RBFOX1: variants seen among roughly 807,000 people sequenced by gnomAD.
RBFOX1 encodes RNA binding protein fox-1 homolog 1.
Under a neutral mutation model 57.7 loss-of-function variants are expected in RBFOX1, and 8 were observed. The observed-to-expected ratio is 0.14, with a 90% CI of 0.08 to 0.25. The LOEUF is 0.25. Ranked by LOEUF, RBFOX1 falls within the 10% of genes least tolerant of loss-of-function variation. The pLI is 1.00. For missense variants in RBFOX1, 611 were observed against 548.5 expected (o/e 1.11, Z -1.14); for synonymous variants, 326 against 222.4 (o/e 1.47, Z -4.15).
In RBFOX1 at chr16:6,801,221, A is replaced by C. The variant is rs368978079; in HGVS notation, c.-16+146571A>C. Among the ~76,000 whole-genome samples, 691 of 151,188 alleles carry C rather than the reference A, an allele frequency of 4.6e-3. 4 individuals carry two copies. The highest frequency in any genetic ancestry group is 0.034 in the Middle Eastern group (10 of 292). ...ATGCAAAAAAAAAAAAAAAAAAGTA[A>C]CGTTACATATCATGTATTTTGCCAT... On this transcript the variant is annotated intron_variant, in intron 3 of 15. Coordinates refer to ENST00000550418, the MANE Select transcript of RBFOX1 (RefSeq NM_018723.4).
chr16:7,397,310 T>G (rs1035861279), intron 4 of RBFOX1, among the ~76,000 whole-genome samples: 1 of 152,166 alleles, frequency 6.6e-6, no homozygotes, highest in Non-Finnish European at 1.5e-5. Flanking sequence ...CACAAGATAT[T>G]TAACATGCTA....
chr16:5,349,414 C>A (rs1351770515), intron 1 of RBFOX1, among the ~76,000 whole-genome samples: 2 of 152,180 alleles, frequency 1.3e-5, no homozygotes, highest in South Asian at 2.1e-4. Context: ...TGGCTCAAGC[C>A]TGTAATCCCA....
At chr16:5,720,573 C>T (rs2051892746) in intron 3 of RBFOX1, among the ~76,000 whole-genome samples, 1 of 152,084 alleles carries the variant, frequency 6.6e-6, no homozygotes, top group Non-Finnish European at 1.5e-5. Flanking sequence ...TTTAGCTCTT[C>T]CGTTTAGGTC....
chr16:6,787,419 A>T (rs12935157), intron 3 of RBFOX1, among the ~76,000 whole-genome samples: 99,214 of 152,018 alleles, frequency 0.65, 32,626 homozygotes, highest in African/African-American at 0.7. Flanking sequence ...ATGCCGTGTG[A>T]TTTCCAAAAT....
chr16:6,723,726 GT>G (rs2066510867), intron 3 of RBFOX1: 1 of 150,480 alleles, frequency 6.6e-6, no homozygotes, highest in Non-Finnish European at 1.5e-5. Context: ...CATCTGTCTC[GT>G]GAAGATTTTT....
At chr16:5,750,155 T>TCAG (rs1394833520) in intron 3 of RBFOX1, among the ~76,000 whole-genome samples, 1 of 152,206 alleles carries the variant, frequency 6.6e-6, no homozygotes, top group African/African-American at 2.4e-5. Context: ...TGCCTGGGTA[T>TCAG]CAGCAGCAGA....
At chr16:6,860,876 AATAG>A (rs1567601781) in intron 3 of RBFOX1, among the ~76,000 whole-genome samples, 1 of 152,198 alleles carries the variant, frequency 6.6e-6, no homozygotes, top group African/African-American at 2.4e-5. Flanking sequence ...TGTATTCAAA[AATAG>A]ATATTCCAAA....
chr16:6,797,388 A>C (rs1451664311), intron 3 of RBFOX1, among the ~76,000 whole-genome samples: 1 of 152,134 alleles, frequency 6.6e-6, no homozygotes, highest in Non-Finnish European at 1.5e-5. Flanking sequence ...AGGTGGTCGA[A>C]AGAGAGAGCG....
chr16:6,304,275 G>A (rs1477280835), intron 1 of RBFOX1, among the ~76,000 whole-genome samples: 1 of 151,888 alleles, frequency 6.6e-6, no homozygotes, highest in Non-Finnish European at 1.5e-5. Context: ...GAAATACAGT[G>A]AGAGTCCATC....
At chr16:5,332,409 A>G (rs557831817) in intron 1 of RBFOX1, among the ~76,000 whole-genome samples, 1 of 151,872 alleles carries the variant, frequency 6.6e-6, no homozygotes, top group Non-Finnish European at 1.5e-5. Flanking sequence ...TTACAGGTAC[A>G]TGCCACCATG....
chr16:6,003,856 A>G (rs2060646655), intron 4 of RBFOX1, among the ~76,000 whole-genome samples: 1 of 152,236 alleles, frequency 6.6e-6, no homozygotes, highest in Non-Finnish European at 1.5e-5. Context: ...AAAGGCCTTC[A>G]AGAGAGCAGG....
In RBFOX1 at chr16:7,349,974, T is replaced by G. The variant is rs73565825; in HGVS notation, c.28-168173T>G. On this transcript the variant is annotated intron_variant, in intron 4 of 15. Coordinates refer to ENST00000550418, the MANE Select transcript of RBFOX1 (RefSeq NM_018723.4). Reference sequence around the variant, plus strand: ...CCAGCCTGGGCAACATGGTGAAACCTCATTTCTACTGAAACATACAAAAAT... The same window carrying G: ...CCAGCCTGGGCAACATGGTGAAACCGCATTTCTACTGAAACATACAAAAAT... 9.6e-3 allele frequency among the ~76,000 whole-genome samples: 1,460 copies of G among 152,154 alleles called. 19 individuals are homozygous for G. Among genetic ancestry groups the G allele is most frequent in the African/African-American group, 0.032 (1,342 of 41,516 alleles).
At chr16:7,128,308 C>G (rs1208935759) in intron 4 of RBFOX1, among the ~76,000 whole-genome samples, 1 of 152,214 alleles carries the variant, frequency 6.6e-6, no homozygotes, top group Admixed American at 6.5e-5. Context: ...CTATACTTAA[C>G]CCCATTTTAA....
intron 4 of RBFOX1, among the ~76,000 whole-genome samples, chr16:7,351,046 C>T (rs1044990094): frequency 6.6e-6 from 1 of 152,232 alleles, no homozygotes; most frequent in Non-Finnish European, 1.5e-5. Flanking sequence ...TTTTCCATCA[C>T]AGGACAGTTC....
intron 4 of RBFOX1, among the ~76,000 whole-genome samples, chr16:5,922,254 A>C (rs1419997926): frequency 6.6e-6 from 1 of 152,196 alleles, no homozygotes; most frequent in Non-Finnish European, 1.5e-5. Flanking sequence ...TCCATTCATG[A>C]GGGATCCATC....
At chr16:6,030,944 A>G (rs752242863) in intron 1 of RBFOX1, among the ~76,000 whole-genome samples, 6 of 152,166 alleles carry the variant, frequency 3.9e-5, no homozygotes, top group Non-Finnish European at 7.3e-5. Context: ...ATATTGACCA[A>G]TATTGACATC....
In RBFOX1 at chr16:6,440,566, C is replaced by A. The variant is rs188821129; in HGVS notation, c.-64+123509C>A. 9.2e-5 allele frequency among the ~76,000 whole-genome samples: 14 copies of A among 152,202 alleles called. No individual in the cohort carries two copies. The East Asian group carries it at 2.5e-3, about 28-fold the overall frequency. On this transcript the variant is annotated intron_variant, in intron 2 of 15. Transcript: ENST00000550418. ...CCTGTAATCCCAGCAATCTGGGAGGCTGAGGCAGGCGGATCACGAGGTCAA... is the reference window on the plus strand; with the variant it reads ...CCTGTAATCCCAGCAATCTGGGAGGATGAGGCAGGCGGATCACGAGGTCAA...
intron 1 of RBFOX1, among the ~76,000 whole-genome samples, chr16:5,340,482 A>T (rs1021610609): frequency 6.6e-6 from 1 of 152,222 alleles, no homozygotes; most frequent in Non-Finnish European, 1.5e-5. Flanking sequence ...ATGGGCACAT[A>T]TTGGGAGTGA....
intron 3 of RBFOX1, among the ~76,000 whole-genome samples, chr16:6,798,025 TGATGATGAA>T (rs1237512397): frequency 1.4e-4 from 22 of 152,080 alleles, no homozygotes; most frequent in Admixed American, 1.2e-3. Flanking sequence ...ATGATGATGG[TGATGATGAA>T]GTTGATAGTG....
Sources: allele counts gnomAD v4.1 joint callset (sites outside exome capture counted in the v4.1 genomes callset), GRCh38; gene constraint gnomAD v4.1.1; transcripts MANE v1.5; gene names NCBI Gene and HGNC (gene_info 2026-07-23, HGNC 2026-07-21).